Variants in LIMCH1 observed in about 807,000 individuals in gnomAD.
LIMCH1 encodes the protein LIM and calponin homology domains 1.
LIMCH1 carries 113 observed loss-of-function variants against 176.5 expected under a neutral mutation model. That is an observed-to-expected ratio of 0.64 (90% CI 0.55 to 0.75). The LOEUF (loss-of-function observed/expected upper bound fraction) is 0.75. Among genes scored for constraint, LIMCH1 ranks in the 30% least tolerant of loss-of-function variants. The pLI is 0.00. For synonymous variants in LIMCH1, 619 were observed against 645.9 expected (o/e 0.96, Z 0.63); for missense variants, 1,674 against 1,814.9 (o/e 0.92, Z 1.41).
At chr4:41,565,939 C>T (rs752126020) in intron 1 of LIMCH1, among the ~76,000 whole-genome samples, 4 of 152,194 alleles carry the variant, frequency 2.6e-5, no homozygotes, top group Non-Finnish European at 4.4e-5. Context: ...GCACTAAGCT[C>T]TTGGGAATTT....
chr4:41,539,539 G>T (rs900430141), intron 1 of LIMCH1, among the ~76,000 whole-genome samples: 1 of 152,158 alleles, frequency 6.6e-6, no homozygotes, highest in African/African-American at 2.4e-5. Flanking sequence ...GGAAGAAGGG[G>T]CAAGAATAAG....
intron 14 of LIMCH1, 137 bp from the exon 15 acceptor site, chr4:41,644,363 C>T (rs1222986484): frequency 3.4e-6 from 4 of 1,181,234 alleles, no homozygotes; most frequent in Non-Finnish European, 4.5e-6. Flanking sequence ...CACCGCCAGT[C>T]ACGCGCTGTG....
intron 1 of LIMCH1, among the ~76,000 whole-genome samples, chr4:41,427,807 T>C (rs1332489946): frequency 6.6e-6 from 1 of 152,160 alleles, no homozygotes; most frequent in East Asian, 1.9e-4. Context: ...ACACATGAGT[T>C]CCCTAGTTAA....
chr4:41,652,683 G>A (rs915635900), intron 18 of LIMCH1, among the ~76,000 whole-genome samples: 15 of 152,192 alleles, frequency 9.9e-5, no homozygotes, highest in African/African-American at 3.1e-4. Context: ...CATGATGATC[G>A]TTTTCTAAAT....
chr4:41,615,775 A>T (rs376505320), intron 5 of LIMCH1, among the ~76,000 whole-genome samples: 1 of 152,224 alleles, frequency 6.6e-6, no homozygotes, highest in Non-Finnish European at 1.5e-5. Context: ...TAGGACTCAC[A>T]ATCAATTGGG....
chr4:41,571,369 C>T (rs767550667), intron 1 of LIMCH1, among the ~76,000 whole-genome samples: 9 of 151,918 alleles, frequency 5.9e-5, no homozygotes, highest in Non-Finnish European at 1.0e-4. Flanking sequence ...GGAAAGGAGA[C>T]GGAACACAGG....
intron 1 of LIMCH1, among the ~76,000 whole-genome samples, chr4:41,406,520 C>T (rs547178235): frequency 1.3e-5 from 2 of 152,226 alleles, no homozygotes; most frequent in South Asian, 4.1e-4. Flanking sequence ...CCCCTCCCTC[C>T]CTCTCCAGGG....
intron 1 of LIMCH1, among the ~76,000 whole-genome samples, chr4:41,543,558 A>G (rs562882200): frequency 6.6e-5 from 10 of 152,342 alleles, no homozygotes; most frequent in Non-Finnish European, 1.5e-4. Flanking sequence ...GAAAGCTGGC[A>G]TACTGTCCGG....
intron 30 of LIMCH1, 52 bp downstream of exon 30, chr4:41,689,687 C>A (rs1276692138): frequency 1.7e-6 from 2 of 1,165,718 alleles, no homozygotes; most frequent in Non-Finnish European, 2.6e-6. Context: ...TGTCTTTTGG[C>A]ATCGTTCCGT....
chr4:41,360,948 T>TGGCTGGCGGGC lies in LIMCH1; in HGVS notation c.96+16_96+26dup. The TGGCTGGCGGGC allele has an allele frequency of 6.4e-7, 1 of 1,552,906 alleles. No individual in the cohort carries two copies. ...AGAAGTGGATTGAGGTAGGTGCGGGTGGCTGGCGGGCGGCCTTGCACTGGC... is the reference window on the plus strand; with the variant it reads ...AGAAGTGGATTGAGGTAGGTGCGGGTGGCTGGCGGGCGGCTGGCGGGCGGCCTTGCACTGGC... On this transcript the variant is annotated intron_variant, in intron 1 of 26. Transcript: ENST00000313860. This position sits in a 1 kb window ranked among gnomAD's most constrained non-coding sequence, Gnocchi z 4.5.
At position 41,614,080 on chromosome 4, in the gene LIMCH1, G is replaced by A. The variant is rs541332763; in HGVS notation, c.205+419G>A. On this transcript the variant is annotated intron_variant, in intron 5 of 31. Transcript: ENST00000503057. ...GATCAACTTCCAGTAAACTGGAAAT[G>A]AACTGCACACACTTAGAAAGTTCTG... Among the ~76,000 whole-genome samples the A allele has an allele frequency of 9.8e-5, 15 of 152,356 alleles. No homozygotes were observed. The South Asian group carries it at 3.1e-3, about 32-fold the overall frequency.
chr4:41,432,108 C>T (rs534706390), intron 1 of LIMCH1, among the ~76,000 whole-genome samples: 85 of 152,258 alleles, frequency 5.6e-4, no homozygotes, highest in Non-Finnish European at 9.7e-4. Flanking sequence ...AATTTAAATC[C>T]GTGATTGTTT....
Position 41,644,178 on chromosome 4 carries a change from C to T in LIMCH1, c.2127-322C>T, listed in dbSNP as rs559028849. ...ATTTCCAAGTGAGAGGAGCCTGGGG[C>T]TTCAAATACCATTTTTCTAGCTCTT... On this transcript the variant is annotated intron_variant, in intron 14 of 31. Coordinates refer to ENST00000503057, the MANE Select transcript of LIMCH1 (RefSeq NM_001330672.2). 4.5e-4 allele frequency among the ~76,000 whole-genome samples: 68 copies of T among 152,314 alleles called. 1 individual carries two copies. The highest frequency in any genetic ancestry group is 1.6e-3 in the African/African-American group (67 of 41,586).
At chr4:41,653,445 AT>A (rs754820568) in intron 18 of LIMCH1, among the ~76,000 whole-genome samples, 3 of 151,978 alleles carry the variant, frequency 2.0e-5, no homozygotes, top group Non-Finnish European at 4.4e-5. Flanking sequence ...CTTGGACTTC[AT>A]TTTCTGTTTC....
chr4:41,527,729 A>G (rs1201367144), intron 3 of LIMCH1, among the ~76,000 whole-genome samples: 1 of 149,448 alleles, frequency 6.7e-6, no homozygotes, highest in Non-Finnish European at 1.5e-5. Context: ...AGGCTGAGGC[A>G]GGAGAATGGC....
chr4:41,631,107 G>A, intron 9 of LIMCH1, 41 bp from the exon 10 acceptor site: 1 of 1,255,972 alleles, frequency 8.0e-7, no homozygotes, highest in South Asian at 1.7e-5. Flanking sequence ...TTATTGATTT[G>A]TACTCAGACA....
upstream of LIMCH1, among the ~76,000 whole-genome samples, chr4:41,360,389 CCCATATGATG>C (rs944516816): frequency 2.0e-5 from 3 of 152,014 alleles, no homozygotes; most frequent in Non-Finnish European, 4.4e-5. This position sits in a 1 kb window ranked among gnomAD's most constrained non-coding sequence, Gnocchi z 4.5. Flanking sequence ...GCGCGCGTCT[CCCATATGATG>C]CCAGACCCAT....
chr4:41,651,080 C>T (rs1291693877), intron 18 of LIMCH1, among the ~76,000 whole-genome samples: 1 of 151,672 alleles, frequency 6.6e-6, no homozygotes, highest in African/African-American at 2.4e-5. Flanking sequence ...GATCTTGGCT[C>T]ACTGCAACCT....
At chr4:41,371,332 A>G (rs1424146057) in intron 1 of LIMCH1, among the ~76,000 whole-genome samples, 1 of 152,222 alleles carries the variant, frequency 6.6e-6, no homozygotes, top group East Asian at 1.9e-4. Flanking sequence ...ATATGTTTTA[A>G]AAGATAATTG....
Sources: allele counts gnomAD v4.1 joint callset (sites outside exome capture counted in the v4.1 genomes callset), GRCh38; gene constraint gnomAD v4.1.1; non-coding constraint Gnocchi (gnomAD v3.1); transcripts MANE v1.5; gene names NCBI Gene and HGNC (gene_info 2026-07-23, HGNC 2026-07-21).